WDR7: variants seen among roughly 807,000 people sequenced by gnomAD.
WDR7 encodes WD repeat domain 7.
A neutral mutation model predicts 169.4 loss-of-function variants in WDR7; 46 were observed. That is an observed-to-expected ratio of 0.27 (90% CI 0.21 to 0.35). The LOEUF is 0.35. Ranked by LOEUF, WDR7 falls within the 10% of genes least tolerant of loss-of-function variation. WDR7 has a pLI of 1.00. For synonymous variants in WDR7, 612 were observed against 666.8 expected (o/e 0.92, Z 1.27); for missense variants, 1,534 against 1,859.3 (o/e 0.83, Z 3.22).
At chr18:56,844,908 A>C (rs553947809) in intron 20 of WDR7, among the ~76,000 whole-genome samples, 7 of 152,218 alleles carry the variant, frequency 4.6e-5, no homozygotes, top group African/African-American at 1.7e-4. Context: ...GACCACATTC[A>C]TATAATTATT....
intron 17 of WDR7, among the ~76,000 whole-genome samples, chr18:56,777,171 G>A (rs1042310932): frequency 2.0e-5 from 3 of 152,164 alleles, no homozygotes; most frequent in African/African-American, 7.2e-5. Context: ...TTGTAATGAT[G>A]TTTGCCATTT....
chr18:56,818,445 G>A (rs2045022960), intron 20 of WDR7, among the ~76,000 whole-genome samples: 1 of 152,124 alleles, frequency 6.6e-6, no homozygotes, highest in African/African-American at 2.4e-5. Flanking sequence ...CTGTAAGTTT[G>A]GTTAAACATA....
intron 19 of WDR7, among the ~76,000 whole-genome samples, chr18:56,804,956 C>G (rs192820511): frequency 1.4e-4 from 21 of 152,242 alleles, no homozygotes; most frequent in Admixed American, 1.4e-3. Context: ...AAGTCTGTCC[C>G]AGCTCTCAGA....
chr18:56,827,857 A>T (rs1446456292), intron 20 of WDR7, among the ~76,000 whole-genome samples: 1 of 152,128 alleles, frequency 6.6e-6, no homozygotes, highest in Non-Finnish European at 1.5e-5. Flanking sequence ...AAAAATGAAA[A>T]ATTTAAAAAA....
intron 19 of WDR7, among the ~76,000 whole-genome samples, chr18:56,789,457 G>T (rs1369936055): frequency 6.6e-6 from 1 of 152,242 alleles, no homozygotes; most frequent in Admixed American, 6.5e-5. Flanking sequence ...TAACAATGGA[G>T]CCAACAGCCT....
chr18:56,809,343 A>G (rs775830421), intron 19 of WDR7, among the ~76,000 whole-genome samples: 30 of 152,144 alleles, frequency 2.0e-4, no homozygotes, highest in Non-Finnish European at 3.1e-4. Context: ...AAATAACGCA[A>G]TTTGTGCCAT....
At chr18:56,957,349 A>G (rs764548355) in intron 25 of WDR7, 11 of 152,072 alleles carry the variant, frequency 7.2e-5, no homozygotes, top group African/African-American at 1.7e-4. Flanking sequence ...CAGAAATCAC[A>G]AAGAGGAGGC....
At chr18:56,675,286 A>G (rs1243388119) in intron 2 of WDR7, among the ~76,000 whole-genome samples, 2 of 152,156 alleles carry the variant, frequency 1.3e-5, no homozygotes, top group Admixed American at 6.5e-5. Context: ...ATGTTGACTC[A>G]CTAGATCAAT....
intron 21 of WDR7, among the ~76,000 whole-genome samples, chr18:56,913,402 A>G (rs1285998248): frequency 6.6e-6 from 1 of 152,112 alleles, no homozygotes; most frequent in Non-Finnish European, 1.5e-5. Flanking sequence ...TTTATGCCCA[A>G]TTTTTGAGAA....
intron 12 of WDR7, among the ~76,000 whole-genome samples, chr18:56,712,137 T>C (rs2026100678): frequency 6.6e-6 from 1 of 152,214 alleles, no homozygotes; most frequent in African/African-American, 2.4e-5. Context: ...AAAATATCTA[T>C]TATTTACACT....
intron 12 of WDR7, among the ~76,000 whole-genome samples, chr18:56,707,951 A>C (rs2025997128): frequency 6.6e-6 from 1 of 152,116 alleles, no homozygotes; most frequent in Admixed American, 6.5e-5. Context: ...AGTATCTGTC[A>C]ACCCGTTTGT....
intron 7 of WDR7, 42 bp downstream of exon 7, chr18:56,687,016 C>T: frequency 6.5e-7 from 1 of 1,542,028 alleles, no homozygotes; most frequent in Non-Finnish European, 8.8e-7. Flanking sequence ...TTTTATCCTT[C>T]AAGACATTGG....
chr18:56,940,727 T>C (rs2047024690), intron 25 of WDR7, among the ~76,000 whole-genome samples: 1 of 152,166 alleles, frequency 6.6e-6, no homozygotes, highest in East Asian at 1.9e-4. Context: ...GGAAGCAGTT[T>C]TATTAGGGCT....
intron 14 of WDR7, among the ~76,000 whole-genome samples, chr18:56,742,292 G>A (rs973912906): frequency 5.9e-5 from 9 of 152,168 alleles, no homozygotes; most frequent in African/African-American, 2.2e-4. Flanking sequence ...TGACTTTTCA[G>A]CAGCCAGATC....
chr18:56,961,414 CAAAG>C (rs1349703459), intron 25 of WDR7, among the ~76,000 whole-genome samples: 4 of 151,406 alleles, frequency 2.6e-5, no homozygotes, highest in African/African-American at 4.9e-5. Context: ...GGGGAAAAGA[CAAAG>C]AACGTGTAAT....
At chr18:56,758,207 C>G (rs1417178809) in intron 15 of WDR7, among the ~76,000 whole-genome samples, 1 of 152,114 alleles carries the variant, frequency 6.6e-6, no homozygotes, top group Non-Finnish European at 1.5e-5. Flanking sequence ...TGAGCATTTA[C>G]CATATGAAGA....
At chr18:56,675,913 A>G (rs2025234181) in intron 2 of WDR7, among the ~76,000 whole-genome samples, 1 of 151,964 alleles carries the variant, frequency 6.6e-6, no homozygotes, top group African/African-American at 2.4e-5. Context: ...TTGATCTCCC[A>G]GGTTCAAGTG....
In WDR7 at chr18:57,027,544, G is replaced by A. The variant is rs887548830; in HGVS notation, c.*337G>A. ...AAGCACAAAAATCAATAAACACTGT[G>A]ATTGCACTCCCAGCCCAGATCAGCA... On this transcript the variant is annotated 3_prime_UTR_variant, in exon 28 of 28. Transcript: ENST00000254442. 2.9e-6 allele frequency: 1 copy of A among 341,934 alleles called. No homozygotes were observed. Among genetic ancestry groups the A allele is most frequent in the Non-Finnish European group, 5.4e-6 (1 of 183,898 alleles). The allele number at this position is 341,934 out of a possible 1,614,324, so 21.2% of individuals were successfully genotyped here. A position where few individuals can be genotyped will look rare whatever the true frequency, so the allele number is the denominator to read the frequency against.
chr18:57,022,140 C>T lies in WDR7; in HGVS notation c.4269+1291C>T, dbSNP rs76534346. 3.7e-3 allele frequency among the ~76,000 whole-genome samples: 571 copies of T among 152,366 alleles called. 12 individuals carry two copies. In the East Asian group the frequency reaches 0.073, roughly 19 times the overall value. Reference sequence around the variant, plus strand: ...ATCCACAGCACTGGTGTTTTCCACTCCTGAAATTCCACAGTGATTCCATTA... The same window carrying T: ...ATCCACAGCACTGGTGTTTTCCACTTCTGAAATTCCACAGTGATTCCATTA... On this transcript the variant is annotated intron_variant, in intron 27 of 27. Transcript: ENST00000254442.
Sources: allele counts gnomAD v4.1 joint callset (sites outside exome capture counted in the v4.1 genomes callset), GRCh38; gene constraint gnomAD v4.1.1; transcripts MANE v1.5; gene names NCBI Gene and HGNC (gene_info 2026-07-23, HGNC 2026-07-21).